CARD14: variants seen among roughly 807,000 people sequenced by gnomAD.
CARD14 encodes the protein caspase recruitment domain-containing protein 14.
A neutral mutation model predicts 111.5 loss-of-function variants in CARD14; 107 were observed. The observed-to-expected ratio is 0.96, with a 90% CI of 0.82 to 1.13. The LOEUF is 1.13. Among genes scored for constraint, CARD14 ranks in the 50% most tolerant of loss-of-function variants. The probability of loss-of-function intolerance (pLI) is 0.00; values close to 1 mark genes in which losing one functional copy is unlikely to be tolerated. For missense variants in CARD14, 1,322 were observed against 1,362.3 expected, an observed-to-expected ratio of 0.97 and a Z score of 0.47; for synonymous variants, 617 against 579.6, an observed-to-expected ratio of 1.06 and a Z score of -0.93.
At chr17:80,205,458 GGT>G in intron 21 of CARD14, 71 bp from the exon 22 acceptor site, 1 of 1,543,588 alleles carries the variant, frequency 6.5e-7, no homozygotes, top group African/African-American at 1.4e-5. Flanking sequence ...CGGGGACAGG[GGT>G]GTTTACCATG....
chr17:80,188,345 A>G lies in CARD14; in HGVS notation c.676-32A>G, dbSNP rs765773292. 2.5e-6 allele frequency: 4 copies of G among 1,597,776 alleles called. No homozygotes were observed. The Admixed American group carries it at 5.2e-5, about 21-fold the overall frequency. ...CCTGATCAGGGGAGAAGCTGTTTCCATCGCCCTTCCTGTCGCCTCCCCACC... is the reference window on the plus strand; with the variant it reads ...CCTGATCAGGGGAGAAGCTGTTTCCGTCGCCCTTCCTGTCGCCTCCCCACC... On this transcript the variant is annotated intron_variant, in intron 7 of 23. Transcript: ENST00000648509. The surrounding 1 kb of genome is among the most constrained non-coding windows in gnomAD (Gnocchi z 4.5).
chr17:80,173,030 A>T lies in CARD14; in HGVS notation c.-565A>T, dbSNP rs2039940009. Reference sequence around the variant, plus strand: ...TGAGTAGCTGGGACTACAGGCGAGCACCACCACAGCCGGCTAATTTTTCTA... The same window carrying T: ...TGAGTAGCTGGGACTACAGGCGAGCTCCACCACAGCCGGCTAATTTTTCTA... On this transcript the variant is annotated 5_prime_UTR_variant, in exon 2 of 24. Coordinates refer to ENST00000648509, the MANE Select transcript of CARD14 (RefSeq NM_001366385.1). The T allele has an allele frequency of 6.6e-6, 1 of 151,440 alleles. No homozygotes were observed. Among genetic ancestry groups the T allele is most frequent in the Admixed American group, 6.6e-5 (1 of 15,164 alleles). 9.4% of individuals were successfully genotyped at this position (151,440 alleles called of 1,614,324 possible).
chr17:80,195,656 A>T lies in CARD14; in HGVS notation c.1594+4A>T. 6.2e-7 allele frequency: 1 copy of T among 1,609,838 alleles called. No individual in the cohort carries two copies. The highest frequency in any genetic ancestry group is 1.7e-4 in the Middle Eastern group (1 of 6,052). On this transcript the variant is annotated splice_donor_region_variant and intron_variant, in intron 14 of 23. Coordinates refer to ENST00000648509, the MANE Select transcript of CARD14 (RefSeq NM_001366385.1). The surrounding 1 kb of genome is among the most constrained non-coding windows in gnomAD (Gnocchi z 4.7). Reference sequence around the variant, plus strand: ...TATGAGCTCCTAGACACGGCAGGTGAGCACGCCCAACCCTGAACCTCCACA... The same window carrying T: ...TATGAGCTCCTAGACACGGCAGGTGTGCACGCCCAACCCTGAACCTCCACA...
At chr17:80,202,493 T>C in intron 18 of CARD14, 73 bp downstream of exon 18, 2 of 1,557,468 alleles carry the variant, frequency 1.3e-6, no homozygotes, top group Non-Finnish European at 1.7e-6. Flanking sequence ...CTGCCTCGGC[T>C]TCCTCCTCCT....
intron 2 of CARD14, among the ~76,000 whole-genome samples, chr17:80,176,977 A>G (rs1302556046): frequency 6.6e-6 from 1 of 152,204 alleles, no homozygotes; most frequent in Non-Finnish European, 1.5e-5. Context: ...GCCGTCATAA[A>G]TTACCACAAA....
rs1253177857 is a variant in CARD14, at chr17:80,182,360, C to T, written c.212-293C>T. 6.6e-6 allele frequency among the ~76,000 whole-genome samples: 1 copy of T among 152,226 alleles called. No individual in the cohort carries two copies. Among genetic ancestry groups the T allele is most frequent in the Non-Finnish European group, 1.5e-5 (1 of 68,040 alleles). ...TGCAAGCAGGGACCCACCTCCTCAC[C>T]CCGTCCCGGTCCCCCCGCACTCGCC... On this transcript the variant is annotated intron_variant, in intron 5 of 23. Transcript: ENST00000648509. This position sits in a 1 kb window ranked among gnomAD's most constrained non-coding sequence, Gnocchi z 4.7.
In CARD14 at chr17:80,182,885, A is replaced by C; in HGVS notation, c.349+95A>C. On this transcript the variant is annotated intron_variant, in intron 6 of 23. Coordinates refer to ENST00000648509, the MANE Select transcript of CARD14 (RefSeq NM_001366385.1). The surrounding 1 kb of genome is among the most constrained non-coding windows in gnomAD (Gnocchi z 4.7). Reference sequence around the variant, plus strand: ...CCCCGCTTACTTGCCGATTTGCCCTACTCCCCCTTCCCTCCAGGCTGCAGT... The same window carrying C: ...CCCCGCTTACTTGCCGATTTGCCCTCCTCCCCCTTCCCTCCAGGCTGCAGT... 2 of 1,448,366 alleles carry C rather than the reference A, an allele frequency of 1.4e-6. No homozygotes were observed. Among genetic ancestry groups the C allele is most frequent in the African/African-American group, 1.4e-5 (1 of 70,242 alleles). The allele number at this position is 1,448,366 out of a possible 1,614,324, so 89.7% of individuals were successfully genotyped here.
Position 80,201,977 on chromosome 17 carries a change from C to CAAGA in CARD14, c.1978+108_1978+111dup. ...CCCAGCAGCCAGGGACCCCCAGAGC[C>CAAGA]AAGAGAGGATCAGCCAGGCTGTGCC... On this transcript the variant is annotated intron_variant, in intron 17 of 23. Coordinates refer to ENST00000648509, the MANE Select transcript of CARD14 (RefSeq NM_001366385.1). The surrounding 1 kb of genome is among the most constrained non-coding windows in gnomAD (Gnocchi z 5.0). 7.0e-7 allele frequency: 1 copy of CAAGA among 1,426,408 alleles called. No homozygotes were observed. The highest frequency in any genetic ancestry group is 1.4e-5 in the African/African-American group (1 of 70,328). 88.4% of individuals were successfully genotyped at this position (1,426,408 alleles called of 1,614,324 possible).
intron 22 of CARD14, among the ~76,000 whole-genome samples, chr17:80,206,228 C>A (rs2041295703): frequency 6.6e-6 from 1 of 151,830 alleles, no homozygotes; most frequent in South Asian, 2.1e-4. Flanking sequence ...ACTTTGGGAA[C>A]CCGAGGTGGG....
rs1179947028 is a variant in CARD14, at chr17:80,205,101, A to G, written c.2465A>G (p.His822Arg). 6.2e-7 allele frequency: 1 copy of G among 1,613,536 alleles called. No homozygotes were observed. The highest frequency in any genetic ancestry group is 1.1e-5 in the South Asian group (1 of 91,058). ...TLVPYTLVRP[H>R]RPARPRPVLL... is the part of the protein sequence containing the mutation. Reference sequence around the variant, plus strand: ...GTGCCCTATACCCTGGTGCGGCCCCATCGACCCGCCCGGCCCCGGCCTGTG... The same window carrying G: ...GTGCCCTATACCCTGGTGCGGCCCCGTCGACCCGCCCGGCCCCGGCCTGTG... The change falls in exon 21 of 24, where the codon CAT becomes CGT. Residue 822 changes from histidine (H) to arginine (R), a missense_variant. Physicochemically the swap from His to Arg is conservative, Grantham distance 29. Coordinates refer to ENST00000648509, the MANE Select transcript of CARD14 (RefSeq NM_001366385.1).
intron 16 of CARD14, among the ~76,000 whole-genome samples, chr17:80,200,118 G>A (rs2040890231): frequency 6.6e-6 from 1 of 151,858 alleles, no homozygotes; most frequent in South Asian, 2.1e-4. Context: ...CCTTGGAACA[G>A]GCTGTCCAAA....
intron 2 of CARD14, among the ~76,000 whole-genome samples, chr17:80,176,107 T>C (rs1412101235): frequency 4.2e-5 from 6 of 141,854 alleles, no homozygotes; most frequent in Non-Finnish European, 1.6e-5. Context: ...GCCTGGATCT[T>C]TTTTTTTTTT....
chr17:80,205,153 G>A lies in CARD14; in HGVS notation c.2517G>A (p.Lys839=), dbSNP rs950950885. Reference sequence around the variant, plus strand: ...TCCTCGTGCCCAGGGCGGTTGGGAAGATCCTGAGCGAGAAACTGTGCCTCC... The same window carrying A: ...TCCTCGTGCCCAGGGCGGTTGGGAAAATCCTGAGCGAGAAACTGTGCCTCC... ...PVLLVPRAVG[K]ILSEKLCLLQ... The change falls in exon 21 of 24, where the codon AAG becomes AAA. Residue 839 remains lysine, a synonymous_variant. Transcript: ENST00000648509. 2 of 1,613,840 alleles carry A rather than the reference G, an allele frequency of 1.2e-6. No individual in the cohort carries two copies. Among genetic ancestry groups the A allele is most frequent in the Non-Finnish European group, 1.7e-6 (2 of 1,179,974 alleles).
At chr17:80,181,796 A>G (rs1400786312) in intron 5 of CARD14, 147 bp downstream of exon 5, 3 of 719,536 alleles carry the variant, frequency 4.2e-6, no homozygotes, top group Non-Finnish European at 6.7e-6. Context: ...CTGGATAACC[A>G]GGATGATCTG....
Position 80,175,175 on chromosome 17 carries a change from G to C in CARD14, c.-367+1947G>C, listed in dbSNP as rs527589926. ...GTATTTTTTGTAGAGACAGGGTTTC[G>C]CCATGTCACCCAGGCTGGTCTTGAA... On this transcript the variant is annotated intron_variant, in intron 2 of 23. Coordinates refer to ENST00000648509, the MANE Select transcript of CARD14 (RefSeq NM_001366385.1). Among the ~76,000 whole-genome samples the C allele has an allele frequency of 4.0e-5, 6 of 151,340 alleles. No individual in the cohort carries two copies. In the South Asian group the frequency reaches 1.3e-3, roughly 32 times the overall value.
chr17:80,177,945 A>G lies in CARD14; in HGVS notation c.-366-563A>G, dbSNP rs548963213. Among the ~76,000 whole-genome samples, 6 of 152,276 alleles carry G rather than the reference A, an allele frequency of 3.9e-5. No individual in the cohort carries two copies. In the South Asian group the frequency reaches 6.2e-4, roughly 16 times the overall value. On this transcript the variant is annotated intron_variant, in intron 2 of 23. Coordinates refer to ENST00000648509, the MANE Select transcript of CARD14 (RefSeq NM_001366385.1). Reference sequence around the variant, plus strand: ...GAGACTTATTCCCAAATGAGGTCCTACTTACAGGTACTGGGGGTCAAGACT... The same window carrying G: ...GAGACTTATTCCCAAATGAGGTCCTGCTTACAGGTACTGGGGGTCAAGACT...
rs117097614 is a variant in CARD14 at position 80,191,038 on chromosome 17, C to T, written c.1089+139C>T. ...TCAGGGTCTCTTTCCTCGGTCCACA[C>T]GAAGTTTCTTCACTCCTCCAGGCCT... is the stretch of plus-strand genomic sequence containing the variant. On this transcript the variant is annotated intron_variant, in intron 10 of 23. Transcript: ENST00000648509. 1,684 of 1,227,644 alleles carry T rather than the reference C, an allele frequency of 1.4e-3. 3 individuals are homozygous for T. Among genetic ancestry groups the T allele is most frequent in the Non-Finnish European group, 1.7e-3 (1,476 of 894,262 alleles). The allele number at this position is 1,227,644 out of a possible 1,614,324, so 76.0% of individuals were successfully genotyped here. A position where few individuals can be genotyped will look rare whatever the true frequency, so the allele number is the denominator to read the frequency against.
rs139080974 is a variant in CARD14, at chr17:80,182,037, ACACT to A, written c.211+393_211+396del. On this transcript the variant is annotated intron_variant, in intron 5 of 23. Transcript: ENST00000648509. The surrounding 1 kb of genome is among the most constrained non-coding windows in gnomAD (Gnocchi z 4.7). ...AAGCAAATGAGTTACTGTTTATAAA[ACACT>A]CACTGCAAAGCTGGGGCCATAGAAA... Among the ~76,000 whole-genome samples the A allele has an allele frequency of 8.7e-3, 1,327 of 152,286 alleles. 18 individuals carry two copies. Among genetic ancestry groups the A allele is most frequent in the African/African-American group, 0.03 (1,244 of 41,548 alleles).
At chr17:80,190,677 G>C (rs1372664260) in intron 9 of CARD14, 97 bp from the exon 10 acceptor site, 3 of 1,368,410 alleles carry the variant, frequency 2.2e-6, no homozygotes, top group South Asian at 2.6e-5. Flanking sequence ...CCCTAGAACT[G>C]TCTCCCTCCC....
Sources: allele counts gnomAD v4.1 joint callset (sites outside exome capture counted in the v4.1 genomes callset), GRCh38; gene constraint gnomAD v4.1.1; non-coding constraint Gnocchi (gnomAD v3.1); transcripts MANE v1.5; gene names NCBI Gene and HGNC (gene_info 2026-07-23, HGNC 2026-07-21).